C2orf69: variants seen among roughly 807,000 people sequenced by gnomAD.
C2orf69 encodes the protein mitochondrial protein C2orf69.
C2orf69 carries 19 observed loss-of-function variants against 29.5 expected under a neutral mutation model. That is an observed-to-expected ratio of 0.65 (90% CI 0.45 to 0.95). The LOEUF (loss-of-function observed/expected upper bound fraction) is 0.95. Among genes scored for constraint, C2orf69 ranks in the 40% least tolerant of loss-of-function variants. C2orf69 has a pLI of 0.00. For synonymous variants in C2orf69, 194 were observed against 180.0 expected, an observed-to-expected ratio of 1.08 and a Z score of -0.62; for missense variants, 416 against 482.1, an observed-to-expected ratio of 0.86 and a Z score of 1.28.
intron 1 of C2orf69, among the ~76,000 whole-genome samples, chr2:199,912,030 G>C (rs573033827): frequency 6.6e-6 from 1 of 152,306 alleles, no homozygotes; most frequent in South Asian, 2.1e-4. Context: ...GTCGGTCCAG[G>C]TTTCCAAGAG....
chr2:199,911,522 T>C lies in C2orf69; in HGVS notation c.84T>C (p.Ser28=). Residue 28 remains serine (S), a synonymous_variant, in exon 1 of 2, where the codon TCT becomes TCC. Coordinates refer to ENST00000319974, the MANE Select transcript of C2orf69 (RefSeq NM_153689.6). ...QLGIGNASSC[S]QARTMNPGGS... is the part of the protein sequence containing the mutation. ...GAATCGGAAACGCCTCGTCCTGCTC[T>C]CAGGCCAGAACCATGAACCCGGGCG... The C allele has an allele frequency of 6.5e-7, 1 of 1,549,556 alleles. No individual in the cohort carries two copies.
At chr2:199,918,987 T>C (rs975066827) in intron 1 of C2orf69, among the ~76,000 whole-genome samples, 1 of 152,206 alleles carries the variant, frequency 6.6e-6, no homozygotes, top group African/African-American at 2.4e-5. Flanking sequence ...GGTCTAGCTC[T>C]GTCAACTAGG....
At chr2:199,915,874 G>T (rs2077290920) in intron 1 of C2orf69, among the ~76,000 whole-genome samples, 1 of 151,986 alleles carries the variant, frequency 6.6e-6, no homozygotes, top group Non-Finnish European at 1.5e-5. Context: ...ATTGGAACTG[G>T]TTTTTCATAT....
At chr2:199,914,480 G>A (rs1264238044) in intron 1 of C2orf69, among the ~76,000 whole-genome samples, 2 of 151,990 alleles carry the variant, frequency 1.3e-5, no homozygotes, top group African/African-American at 2.4e-5. Context: ...TACCTTTTCA[G>A]TGTATCTAAA....
intron 1 of C2orf69, among the ~76,000 whole-genome samples, chr2:199,913,415 T>TAACA (rs1413843493): frequency 0.016 from 1,238 of 78,116 alleles, 84 homozygotes; most frequent in Non-Finnish European, 0.023. Context: ...ATAATATATA[T>TAACA]TCTATTATAT....
At chr2:199,911,841 C>T (rs2106636280) in intron 1 of C2orf69, 70 bp downstream of exon 1, 1 of 1,529,112 alleles carries the variant, frequency 6.5e-7, no homozygotes, top group Non-Finnish European at 8.8e-7. Flanking sequence ...TGATTCTTCC[C>T]TCGTGGCTGC....
chr2:199,922,031 T>TATATATATATATATATATATATATATA (rs1553566021), intron 1 of C2orf69, among the ~76,000 whole-genome samples: 12 of 78,962 alleles, frequency 1.5e-4, no homozygotes, highest in African/African-American at 4.8e-4. Context: ...ACTGTTATTT[T>TATATATATATATATATATATATATATA]TATATATATA....
chr2:199,922,936 C>G (rs1251338558), intron 1 of C2orf69, among the ~76,000 whole-genome samples: 1 of 152,230 alleles, frequency 6.6e-6, no homozygotes, highest in Admixed American at 6.5e-5. Context: ...AAAGCCTGAT[C>G]AGCACCTCTC....
intron 1 of C2orf69, among the ~76,000 whole-genome samples, chr2:199,913,058 T>TATATAG (rs1219430912): frequency 3.0e-4 from 44 of 147,288 alleles, no homozygotes; most frequent in African/African-American, 9.8e-4. Flanking sequence ...TAGATATAGA[T>TATATAG]ATATAGATAT....
chr2:199,911,502 G>C lies in C2orf69; in HGVS notation c.64G>C (p.Gly22Arg), dbSNP rs1014473935. 6.5e-7 allele frequency: 1 copy of C among 1,547,542 alleles called. No homozygotes were observed. The highest frequency in any genetic ancestry group is 1.4e-5 in the African/African-American group (1 of 72,742). The change falls in exon 1 of 2, where the codon GGA becomes CGA. Residue 22 changes from glycine (G) to arginine (R), a missense_variant. Transcript: ENST00000319974. ...LLLLLPQLGI[G>R]NASSCSQART... is the part of the protein sequence containing the mutation. ...GCTCCTGCTGCCGCAGCTCGGAATC[G>C]GAAACGCCTCGTCCTGCTCTCAGGC...
At chr2:199,919,109 C>T (rs2077304348) in intron 1 of C2orf69, among the ~76,000 whole-genome samples, 1 of 152,106 alleles carries the variant, frequency 6.6e-6, no homozygotes, top group Non-Finnish European at 1.5e-5. Context: ...TGCACAATCA[C>T]ACCTGGCTAA....
intron 1 of C2orf69, among the ~76,000 whole-genome samples, chr2:199,912,078 AT>A (rs1455385322): frequency 1.3e-5 from 2 of 152,140 alleles, no homozygotes; most frequent in African/African-American, 4.8e-5. Flanking sequence ...CATCTTGTAT[AT>A]TTATTCTATA....
chr2:199,924,791 A>T (rs1023812362), intron 1 of C2orf69, among the ~76,000 whole-genome samples: 23 of 152,198 alleles, frequency 1.5e-4, no homozygotes, highest in African/African-American at 5.1e-4. Context: ...ACCCTTCAAA[A>T]TTAAATTTTT....
chr2:199,915,546 G>A (rs2077289687), intron 1 of C2orf69, among the ~76,000 whole-genome samples: 1 of 147,756 alleles, frequency 6.8e-6, no homozygotes, highest in Admixed American at 6.8e-5. Flanking sequence ...TTGCTCTGTT[G>A]CCCAGGCTGG....
In C2orf69 at chr2:199,924,864, C is replaced by T. The variant is rs1182649124; in HGVS notation, c.334-198C>T. ...TCCTTGTCTCTTGATAGATTTCAGG[C>T]TTAAACTGAAGAAGTAATTGGTTCA... On this transcript the variant is annotated intron_variant, in intron 1 of 1. Transcript: ENST00000319974. Among the ~76,000 whole-genome samples the T allele has an allele frequency of 2.6e-5, 4 of 152,198 alleles. No homozygotes were observed. In the East Asian group the frequency reaches 7.7e-4, roughly 29 times the overall value.
At position 199,911,357 on chromosome 2, in the gene C2orf69, G is replaced by A. The variant is rs1036581005; in HGVS notation, c.-82G>A. 5 of 1,364,674 alleles carry A rather than the reference G, an allele frequency of 3.7e-6. No individual in the cohort carries two copies. The highest frequency in any genetic ancestry group is 3.0e-5 in the East Asian group (1 of 33,284). 84.5% of individuals were successfully genotyped at this position (1,364,674 alleles called of 1,614,324 possible). On this transcript the variant is annotated 5_prime_UTR_variant, in exon 1 of 2. Transcript: ENST00000319974. ...CGCGGCCGCCGACCGTTGAGCCGCC[G>A]GCTGAGCCGCCTGCTGAAGTCCCTC...
chr2:199,917,199 C>T (rs1188087867), intron 1 of C2orf69, among the ~76,000 whole-genome samples: 1 of 152,218 alleles, frequency 6.6e-6, no homozygotes, highest in African/African-American at 2.4e-5. Flanking sequence ...CTGCACAAAG[C>T]AGCGAGGGCC....
In C2orf69 at chr2:199,926,767, T is replaced by C. The variant is rs1382875389; in HGVS notation, c.*881T>C. Reference sequence around the variant, plus strand: ...GAATCTTGTCCAAAAACCAGTTGTTTTGGAAAATTGCTTTAAATTGAGCAT... The same window carrying C: ...GAATCTTGTCCAAAAACCAGTTGTTCTGGAAAATTGCTTTAAATTGAGCAT... On this transcript the variant is annotated 3_prime_UTR_variant, in exon 2 of 2. Transcript: ENST00000319974. The C allele has an allele frequency of 6.6e-6, 1 of 152,652 alleles. No individual in the cohort carries two copies. The highest frequency in any genetic ancestry group is 1.5e-5 in the Non-Finnish European group (1 of 68,034). The allele number at this position is 152,652 out of a possible 1,614,324, so 9.5% of individuals were successfully genotyped here. A position where few individuals can be genotyped will look rare whatever the true frequency, so the allele number is the denominator to read the frequency against.
At chr2:199,924,188 G>GTTT (rs1180020969) in intron 1 of C2orf69, among the ~76,000 whole-genome samples, 1 of 152,148 alleles carries the variant, frequency 6.6e-6, no homozygotes, top group African/African-American at 2.4e-5. Flanking sequence ...TAGGAGGATG[G>GTTT]TTTAGCCCAG....
Sources: gnomAD v4.1 joint callset for allele counts (sites outside exome capture counted in the v4.1 genomes callset) on GRCh38, gnomAD v4.1.1 for gene constraint, MANE v1.5 for transcripts, NCBI Gene and HGNC (gene_info 2026-07-23, HGNC 2026-07-21) for gene names.